Variants in DNAH11 observed in about 807,000 individuals in gnomAD.
DNAH11 encodes the protein axonemal beta dynein heavy chain 11.
A neutral mutation model predicts 526.0 loss-of-function variants in DNAH11; 442 were observed. That is an observed-to-expected ratio of 0.84 (90% CI 0.78 to 0.91). The LOEUF (loss-of-function observed/expected upper bound fraction) is 0.91. Ranked by LOEUF, DNAH11 falls within the 40% of genes least tolerant of loss-of-function variation. The pLI is 0.00. For synonymous variants in DNAH11, 2,461 were observed against 1,935.9 expected, an observed-to-expected ratio of 1.27 and a Z score of -7.12; for missense variants, 6,989 against 5,448.7, an observed-to-expected ratio of 1.28 and a Z score of -8.90.
At chr7:21,684,046 A>G in intron 32 of DNAH11, 102 bp downstream of exon 32, 8 of 1,251,668 alleles carry the variant, frequency 6.4e-6, no homozygotes. Flanking sequence ...TGAACAATGA[A>G]CTATGTGAAA....
intron 11 of DNAH11, 45 bp from the exon 12 acceptor site, chr7:21,589,159 AATCT>A (rs960370488): frequency 1.2e-5 from 17 of 1,379,460 alleles, no homozygotes; most frequent in Non-Finnish European, 1.7e-5. Context: ...ATTAAGCGGA[AATCT>A]ATCTAATATA....
intron 8 of DNAH11, among the ~76,000 whole-genome samples, chr7:21,577,558 C>T (rs541203410): frequency 6.6e-6 from 1 of 152,176 alleles, no homozygotes; most frequent in African/African-American, 2.4e-5. Context: ...CAAGTGGTAA[C>T]AAGGCCACCT....
At chr7:21,664,124 A>G (rs1363498990) in intron 30 of DNAH11, among the ~76,000 whole-genome samples, 2 of 129,474 alleles carry the variant, frequency 1.5e-5, no homozygotes, top group Non-Finnish European at 3.3e-5. Flanking sequence ...TTATATCTCA[A>G]TTTCCCAAAG....
intron 73 of DNAH11, among the ~76,000 whole-genome samples, chr7:21,871,092 C>T (rs1783476400): frequency 6.6e-6 from 1 of 152,160 alleles, no homozygotes; most frequent in African/African-American, 2.4e-5. Context: ...ACCTAAGCCC[C>T]AATGTGATCA....
intron 17 of DNAH11, 88 bp downstream of exon 17, chr7:21,601,267 C>A: frequency 6.8e-7 from 1 of 1,468,346 alleles, no homozygotes; most frequent in Non-Finnish European, 9.2e-7. Flanking sequence ...TTAATGTTGC[C>A]AGTTTCATGA....
In DNAH11 at chr7:21,892,810, C is replaced by G. The variant is rs930570178; in HGVS notation, c.12750+143C>G. The G allele has an allele frequency of 7.1e-6, 7 of 981,340 alleles. No homozygotes were observed. The African/African-American group carries it at 1.2e-4, about 16-fold the overall frequency. The allele number at this position is 981,340 out of a possible 1,614,324, so 60.8% of individuals were successfully genotyped here. A position where few individuals can be genotyped will look rare whatever the true frequency, so the allele number is the denominator to read the frequency against. On this transcript the variant is annotated intron_variant, in intron 77 of 81. Transcript: ENST00000409508. ...ACCACCTAGATCAAAATAACATTTC[C>G]AACACTCCAGAAGGATACTCATGCC...
intron 30 of DNAH11, among the ~76,000 whole-genome samples, chr7:21,670,435 T>C (rs1233819558): frequency 2.6e-5 from 4 of 152,172 alleles, no homozygotes; most frequent in African/African-American, 7.2e-5. Context: ...TAAATAAATA[T>C]ATACTCTACA....
chr7:21,712,008 C>A, intron 42 of DNAH11, 148 bp downstream of exon 42: 1 of 974,984 alleles, frequency 1.0e-6, no homozygotes, highest in Non-Finnish European at 1.5e-6. Flanking sequence ...CAAAGTGACA[C>A]TCTTTATCCA....
intron 2 of DNAH11, among the ~76,000 whole-genome samples, chr7:21,552,687 T>C (rs1039207186): frequency 1.3e-5 from 2 of 152,206 alleles, no homozygotes; most frequent in African/African-American, 2.4e-5. Flanking sequence ...GGGGCTTCCA[T>C]GAAACCTTGT....
intron 66 of DNAH11, among the ~76,000 whole-genome samples, chr7:21,847,951 G>C (rs1012098210): frequency 6.6e-6 from 1 of 152,042 alleles, no homozygotes; most frequent in African/African-American, 2.4e-5. Flanking sequence ...GGATCACGAG[G>C]TCAGGGGATC....
In DNAH11 at chr7:21,816,671, G is replaced by A. The variant is rs765301743; in HGVS notation, c.10537G>A (p.Asp3513Asn). Residue 3513 changes from aspartate to asparagine, a missense_variant, in exon 64 of 82, where the codon GAC becomes AAC. Transcript: ENST00000409508. ...GTGGATCAAGAATAAGTATGGAATG[G>A]ACCTGAAAGTCACACATTTGGGCCA... Reference protein sequence around the residue: ...IKWIKNKYGMDLKVTHLGQKG... With the variant: ...IKWIKNKYGMNLKVTHLGQKG... 1 of 1,613,614 alleles carries A rather than the reference G, an allele frequency of 6.2e-7. No homozygotes were observed. Among genetic ancestry groups the A allele is most frequent in the Non-Finnish European group, 8.5e-7 (1 of 1,179,732 alleles).
At chr7:21,670,935 T>C (rs943315555) in intron 30 of DNAH11, among the ~76,000 whole-genome samples, 1 of 152,028 alleles carries the variant, frequency 6.6e-6, no homozygotes, top group Non-Finnish European at 1.5e-5. Context: ...TGTTAACAAA[T>C]TCTACATTTA....
intron 35 of DNAH11, among the ~76,000 whole-genome samples, chr7:21,696,083 T>C (rs76137838): frequency 0.013 from 1,952 of 152,272 alleles, 29 homozygotes; most frequent in African/African-American, 0.044. Context: ...CAGTTTTATT[T>C]TGGGGTTTTA....
chr7:21,900,473 T>TAATGTTTTACTACA (rs1784742076), intron 81 of DNAH11, among the ~76,000 whole-genome samples: 2 of 152,220 alleles, frequency 1.3e-5, no homozygotes, highest in Non-Finnish European at 2.9e-5. Context: ...AAATTTGCTC[T>TAATGTTTTACTACA]AATGTTTTAC....
chr7:21,583,657 T>A (rs1352247870), intron 9 of DNAH11, among the ~76,000 whole-genome samples: 1 of 152,072 alleles, frequency 6.6e-6, no homozygotes, highest in Admixed American at 6.6e-5. Context: ...ACCTACAGAA[T>A]GGGAGAATAT....
rs910156524 is a variant in DNAH11 at position 21,900,863 on chromosome 7, G to C, written c.13304-144G>C. On this transcript the variant is annotated intron_variant, in intron 81 of 81. Transcript: ENST00000409508. ...TAACCTACCTTTCAAAGCTCAGTCC[G>C]GCCAGCTCAGTAAAAATACCACTGA... 8.8e-6 allele frequency: 12 copies of C among 1,367,574 alleles called. No homozygotes were observed. The African/African-American group carries it at 1.8e-4, about 20-fold the overall frequency. The allele number at this position is 1,367,574 out of a possible 1,614,324, so 84.7% of individuals were successfully genotyped here. A position where few individuals can be genotyped will look rare whatever the true frequency, so the allele number is the denominator to read the frequency against.
At chr7:21,880,330 A>G (rs749889049) in intron 74 of DNAH11, among the ~76,000 whole-genome samples, 1 of 152,170 alleles carries the variant, frequency 6.6e-6, no homozygotes, top group Non-Finnish European at 1.5e-5. Flanking sequence ...CCCAACCGTA[A>G]TAGCATTCTA....
At chr7:21,634,444 G>T (rs554415301) in intron 25 of DNAH11, among the ~76,000 whole-genome samples, 2 of 152,210 alleles carry the variant, frequency 1.3e-5, no homozygotes, top group African/African-American at 4.8e-5. Flanking sequence ...AAGGCATGAG[G>T]TTTTTCCCTC....
chr7:21,718,277 T>G (rs186501930), intron 43 of DNAH11, among the ~76,000 whole-genome samples: 3 of 152,310 alleles, frequency 2.0e-5, no homozygotes, highest in Non-Finnish European at 4.4e-5. Flanking sequence ...TTCCAGTGTC[T>G]TTGCACAGAA....
Sources: allele counts gnomAD v4.1 joint callset (sites outside exome capture counted in the v4.1 genomes callset), GRCh38; gene constraint gnomAD v4.1.1; transcripts MANE v1.5; gene names NCBI Gene and HGNC (gene_info 2026-07-23, HGNC 2026-07-21).